Variants in PAK4 observed in about 807,000 individuals in gnomAD.
PAK4 encodes p21 (RAC1) activated kinase 4, also known as serine/threonine-protein kinase PAK 4.
In PAK4, 49 loss-of-function variants were observed where a neutral mutation model predicts 53.5. That is an observed-to-expected ratio of 0.92 (90% CI 0.73 to 1.16). The LOEUF (loss-of-function observed/expected upper bound fraction) is 1.16. Among genes scored for constraint, PAK4 ranks in the 50% most tolerant of loss-of-function variants. The pLI is 0.00. For missense variants in PAK4, 824 were observed against 850.7 expected (o/e 0.97, Z 0.39); for synonymous variants, 376 against 375.6 (o/e 1.00, Z -0.01).
chr19:39,163,142 G>C (rs1019389404), intron 1 of PAK4, among the ~76,000 whole-genome samples: 1 of 152,198 alleles, frequency 6.6e-6, no homozygotes, highest in African/African-American at 2.4e-5. Context: ...CTGAGGCAGG[G>C]AGGGGCCCTC....
intron 1 of PAK4, among the ~76,000 whole-genome samples, chr19:39,147,051 C>CA (rs1488325936): frequency 8.1e-5 from 2 of 24,722 alleles, no homozygotes; most frequent in African/African-American, 2.4e-4. Flanking sequence ...CTGACATTGA[C>CA]ACTGTCATTG....
intron 1 of PAK4, among the ~76,000 whole-genome samples, chr19:39,132,540 C>T (rs575514967): frequency 2.6e-5 from 4 of 152,388 alleles, no homozygotes; most frequent in Admixed American, 6.5e-5. Flanking sequence ...CCCACGCACA[C>T]GCGTGCCCCC....
chr19:39,172,356 C>T (rs1004693998), intron 2 of PAK4, among the ~76,000 whole-genome samples: 5 of 152,150 alleles, frequency 3.3e-5, no homozygotes, highest in African/African-American at 9.7e-5. Flanking sequence ...TGCCTGGTCC[C>T]CATCTGCATT....
In PAK4 at chr19:39,178,408, C is replaced by A; in HGVS notation, c.1621-16C>A. 1 of 1,571,776 alleles carries A rather than the reference C, an allele frequency of 6.4e-7. No homozygotes were observed. Among genetic ancestry groups the A allele is most frequent in the South Asian group, 1.2e-5 (1 of 85,558 alleles). On this transcript the variant is annotated splice_polypyrimidine_tract_variant and intron_variant, in intron 8 of 8. Coordinates refer to ENST00000358301, the Ensembl canonical transcript of PAK4. The surrounding 1 kb of genome is among the most constrained non-coding windows in gnomAD (Gnocchi z 4.4). ...TGGGGAGCCTCGCCCCCTGACCCTC[C>A]CCTCCTTCTCGACAGGTGTCGCCAT... is the stretch of plus-strand genomic sequence containing the variant.
chr19:39,129,333 C>T (rs1370433973), intron 1 of PAK4, among the ~76,000 whole-genome samples: 2 of 151,978 alleles, frequency 1.3e-5, no homozygotes, highest in Non-Finnish European at 2.9e-5. Flanking sequence ...GCCTGTTCAC[C>T]TGTTGATGGC....
chr19:39,159,285 C>T (rs947837343), intron 1 of PAK4, among the ~76,000 whole-genome samples: 4 of 152,186 alleles, frequency 2.6e-5, no homozygotes, highest in South Asian at 2.1e-4. Context: ...GCCCTGTCCT[C>T]GTGGGGCTGC....
chr19:39,164,998 G>A (rs1403042671), intron 1 of PAK4, among the ~76,000 whole-genome samples: 2 of 151,836 alleles, frequency 1.3e-5, no homozygotes, highest in African/African-American at 4.8e-5. Flanking sequence ...CCATTGGGGA[G>A]GTGGGGGCCC....
At chr19:39,134,216 A>G (rs1255330623) in intron 1 of PAK4, among the ~76,000 whole-genome samples, 1 of 152,246 alleles carries the variant, frequency 6.6e-6, no homozygotes. Flanking sequence ...ATAATTGTCA[A>G]TTATAATATG....
At chr19:39,148,466 C>CTTGTTTTTTTTTTTTTTT (rs2074039693) in intron 1 of PAK4, among the ~76,000 whole-genome samples, 1 of 56,786 alleles carries the variant, frequency 1.8e-5, no homozygotes, top group African/African-American at 7.6e-5. Flanking sequence ...GTTTCTTCTG[C>CTTGTTTTTTTTTTTTTTT]TTTTTTTTTT....
chr19:39,142,760 C>G (rs573933514), intron 1 of PAK4, among the ~76,000 whole-genome samples: 4 of 152,388 alleles, frequency 2.6e-5, no homozygotes, highest in East Asian at 1.9e-4. Context: ...CACCCCAGCT[C>G]TACCCTTGGC....
At chr19:39,179,893 G>T (rs1600422625), downstream of PAK4, 1 of 152,254 alleles carries the variant, frequency 6.6e-6, no homozygotes, top group Non-Finnish European at 1.5e-5. Flanking sequence ...ACGCTGGGGG[G>T]AATCTGACTG....
At chr19:39,137,867 C>T (rs2085388) in intron 1 of PAK4, among the ~76,000 whole-genome samples, 72,720 of 151,898 alleles carry the variant, frequency 0.48, 19,910 homozygotes, top group Non-Finnish European at 0.63. Flanking sequence ...GAGGCTTTGC[C>T]GTGTTAGCCA....
intron 2 of PAK4, 23 bp from the exon 4 acceptor site, chr19:39,172,895 C>T (rs2074510883): frequency 6.6e-7 from 1 of 1,506,868 alleles, no homozygotes. Context: ...TGGGCCCCCA[C>T]CCACCATTGC....
At chr19:39,157,136 A>G (rs1398156110) in intron 1 of PAK4, among the ~76,000 whole-genome samples, 1 of 151,834 alleles carries the variant, frequency 6.6e-6, no homozygotes, top group Non-Finnish European at 1.5e-5. Flanking sequence ...TGCCTCACTC[A>G]GTCACTCTGG....
chr19:39,147,085 A>G (rs1443748521), intron 1 of PAK4, among the ~76,000 whole-genome samples: 1 of 29,184 alleles, frequency 3.4e-5, no homozygotes, highest in Non-Finnish European at 8.4e-5. Flanking sequence ...GTCATTGTCA[A>G]TTGTCAATGA....
At chr19:39,170,723 G>C (rs1404769699) in intron 2 of PAK4, among the ~76,000 whole-genome samples, 1 of 152,236 alleles carries the variant, frequency 6.6e-6, no homozygotes, top group Non-Finnish European at 1.5e-5. Flanking sequence ...CCCACAAGTT[G>C]GCCATAGACA....
At chr19:39,176,790 G>A (rs1600414234) in intron 7 of PAK4, 75 bp downstream of exon 8, 2 of 1,556,082 alleles carry the variant, frequency 1.3e-6, no homozygotes, top group Non-Finnish European at 1.7e-6. Flanking sequence ...GCGCTGGCGG[G>A]AGATGGGGCC....
chr19:39,174,857 G>C, intron 4 of PAK4, 74 bp from the exon 6 acceptor site: 3 of 1,572,394 alleles, frequency 1.9e-6, no homozygotes, highest in Non-Finnish European at 2.6e-6. Flanking sequence ...GGGGAGCCAG[G>C]GGGGTGGCGG....
intron 1 of PAK4, among the ~76,000 whole-genome samples, chr19:39,160,581 G>T (rs1381211212): frequency 6.6e-6 from 1 of 152,226 alleles, no homozygotes; most frequent in Non-Finnish European, 1.5e-5. Flanking sequence ...GCTGAGGGAA[G>T]ATAGGTGCAG....
Sources: allele counts gnomAD v4.1 joint callset (sites outside exome capture counted in the v4.1 genomes callset), GRCh38; gene constraint gnomAD v4.1.1; non-coding constraint Gnocchi (gnomAD v3.1); transcripts MANE v1.5; gene names NCBI Gene and HGNC (gene_info 2026-07-23, HGNC 2026-07-21).